HHIPL1: variants seen among roughly 807,000 people sequenced by gnomAD.
HHIPL1 encodes the protein HHIP-like protein 1.
Under a neutral mutation model 61.8 loss-of-function variants are expected in HHIPL1, and 43 were observed. That is an observed-to-expected ratio of 0.70 (90% CI 0.55 to 0.90). The LOEUF (loss-of-function observed/expected upper bound fraction) is 0.90. Ranked by LOEUF, HHIPL1 falls within the 40% of genes least tolerant of loss-of-function variation. The pLI is 0.00. For synonymous variants in HHIPL1, 482 were observed against 515.8 expected (o/e 0.93, Z 0.89); for missense variants, 1,056 against 1,157.7 (o/e 0.91, Z 1.28).
Position 99,659,494 on chromosome 14 carries a change from C to T in HHIPL1, c.1113C>T (p.Gly371=), listed in dbSNP as rs568875334. Residue 371 remains glycine (G), a synonymous_variant, in exon 4 of 9, where the codon GGC becomes GGT. Transcript: ENST00000330710. ...VDRKERGLPY[G]IPPDNPFVGD... is the part of the protein sequence containing the mutation. ...GTAAGGAGCGCGGCCTGCCCTACGG[C>T]ATCCCGCCCGACAACCCGTTCGTGG... 26 of 1,539,440 alleles carry T rather than the reference C, an allele frequency of 1.7e-5. No individual in the cohort carries two copies. Among genetic ancestry groups the T allele is most frequent in the Non-Finnish European group, 2.2e-5 (25 of 1,147,604 alleles).
the HHIPL1 span, among the ~76,000 whole-genome samples, chr14:99,619,398 G>T: frequency 6.6e-6 from 1 of 151,022 alleles, no homozygotes; most frequent in Admixed American, 6.6e-5. Flanking sequence ...GGAGGCAGAG[G>T]TTGCAGTGGG....
chr14:99,645,388 TG>T lies in HHIPL1; in HGVS notation c.184del (p.Ala62ProfsTer114). On this transcript the variant is annotated frameshift_variant, in exon 1 of 9. Transcript: ENST00000330710. LOFTEE classifies it high-confidence loss of function. ...GRDAELTRRF[W>X]ALASRVDAAE... ...CGACGCCGAGCTGACCCGCCGCTTC[TG>T]GGCCCTGGCGAGCCGCGTGGACGCC... The T allele has an allele frequency of 7.0e-7, 1 of 1,434,762 alleles. No individual in the cohort carries two copies. Among genetic ancestry groups the T allele is most frequent in the South Asian group, 1.4e-5 (1 of 71,490 alleles). 88.9% of individuals were successfully genotyped at this position (1,434,762 alleles called of 1,614,324 possible).
chr14:99,637,008 A>AAAG, the HHIPL1 span, among the ~76,000 whole-genome samples: 1 of 70,800 alleles, frequency 1.4e-5, no homozygotes, highest in Non-Finnish European at 2.9e-5. Context: ...AAGAAGAAAG[A>AAAG]AAGAAAGAAA....
rs897293863 is a variant in HHIPL1 at position 99,645,544 on chromosome 14, A to G, written c.255+82A>G. ...CAGAGATCGGAACCCCGCGGGGGCG[A>G]GGGCCAAGAGTGGGCGGCGGACTCG... On this transcript the variant is annotated intron_variant, in intron 1 of 8. Coordinates refer to ENST00000330710, the MANE Select transcript of HHIPL1 (RefSeq NM_001127258.3). 14 of 1,217,624 alleles carry G rather than the reference A, an allele frequency of 1.1e-5. No individual in the cohort carries two copies. In the African/African-American group the frequency reaches 2.2e-4, roughly 19 times the overall value. 75.4% of individuals were successfully genotyped at this position (1,217,624 alleles called of 1,614,324 possible).
chr14:99,659,477 C>T lies in HHIPL1; in HGVS notation c.1096C>T (p.Arg366Cys), dbSNP rs748475384. 4.8e-5 allele frequency: 74 copies of T among 1,531,650 alleles called. No individual in the cohort carries two copies. Among genetic ancestry groups the T allele is most frequent in the Middle Eastern group, 1.7e-4 (1 of 5,872 alleles). 94.9% of individuals were successfully genotyped at this position (1,531,650 alleles called of 1,614,324 possible). A position where few individuals can be genotyped will look rare whatever the true frequency, so the allele number is the denominator to read the frequency against. ...VLRIDVDRKERGLPYGIPPDN... is the reference protein window; with the variant it reads ...VLRIDVDRKECGLPYGIPPDN... Reference sequence around the variant, plus strand: ...GCGCATCGACGTGGACCGTAAGGAGCGCGGCCTGCCCTACGGCATCCCGCC... The same window carrying T: ...GCGCATCGACGTGGACCGTAAGGAGTGCGGCCTGCCCTACGGCATCCCGCC... The change falls in exon 4 of 9, where the codon CGC becomes TGC. Residue 366 changes from arginine to cysteine, a missense_variant. Transcript: ENST00000330710.
intron 4 of HHIPL1, 84 bp downstream of exon 4, chr14:99,659,840 G>GGC: frequency 2.3e-6 from 1 of 433,272 alleles, no homozygotes; most frequent in Non-Finnish European, 3.3e-6. Context: ...CTCCCTCGGA[G>GGC]ACCGCACCCC....
the HHIPL1 span, among the ~76,000 whole-genome samples, chr14:99,607,118 C>T: frequency 7.0e-6 from 1 of 143,732 alleles, no homozygotes. Flanking sequence ...AGTGCAGCCT[C>T]AACCTCCGGG....
Position 99,675,004 on chromosome 14 carries a change from C to A in HHIPL1, c.1814-87C>A. The A allele has an allele frequency of 2.8e-6, 2 of 710,460 alleles. No homozygotes were observed. The highest frequency in any genetic ancestry group is 3.6e-6 in the Non-Finnish European group (2 of 557,648). 44.0% of individuals were successfully genotyped at this position (710,460 alleles called of 1,614,324 possible). ...TCCTTCCCCGAGTCTGCGCTCTCCG[C>A]ACAGGTTGCAGGGCAGCACAGGGTG... is the stretch of plus-strand genomic sequence containing the variant. On this transcript the variant is annotated intron_variant, in intron 8 of 8. Coordinates refer to ENST00000330710, the MANE Select transcript of HHIPL1 (RefSeq NM_001127258.3). This position sits in a 1 kb window ranked among gnomAD's most constrained non-coding sequence, Gnocchi z 5.4.
chr14:99,621,681 AGAG>A, the HHIPL1 span, among the ~76,000 whole-genome samples: 1 of 148,562 alleles, frequency 6.7e-6, no homozygotes. Flanking sequence ...TCTCAACCTC[AGAG>A]GATTCCCTTT....
In HHIPL1 at chr14:99,672,380, C is replaced by A; in HGVS notation, c.1794C>A (p.Ile598=). The change falls in exon 8 of 9, where the codon ATC becomes ATA. Residue 598 remains isoleucine (I), a synonymous_variant. Coordinates refer to ENST00000330710, the MANE Select transcript of HHIPL1 (RefSeq NM_001127258.3). The part of the protein sequence containing the change: ...PAQVKIRSRL[I]PFVPKEKFIP... ...AGGTGAAGATCAGAAGCCGTCTCATCCCCTTTGTGCCCAAAGAAAGTAAGT... is the reference window on the plus strand; with the variant it reads ...AGGTGAAGATCAGAAGCCGTCTCATACCCTTTGTGCCCAAAGAAAGTAAGT... 1.9e-6 allele frequency: 3 copies of A among 1,551,164 alleles called. No individual in the cohort carries two copies. The highest frequency in any genetic ancestry group is 2.6e-6 in the Non-Finnish European group (3 of 1,146,886).
At chr14:99,649,915 G>A (rs28391527) in intron 1 of HHIPL1, among the ~76,000 whole-genome samples, 54,250 of 152,282 alleles carry the variant, frequency 0.36, 10,376 homozygotes, top group South Asian at 0.45. Context: ...ACCCACAGGT[G>A]GTTCCCAGTG....
Position 99,652,556 on chromosome 14 carries a change from C to G in HHIPL1, c.588C>G (p.Pro196=). 2 of 1,613,100 alleles carry G rather than the reference C, an allele frequency of 1.2e-6. No homozygotes were observed. Among genetic ancestry groups the G allele is most frequent in the Non-Finnish European group, 1.7e-6 (2 of 1,179,958 alleles). Residue 196 remains proline (P), a synonymous_variant, in exon 2 of 9, where the codon CCC becomes CCG. Transcript: ENST00000330710. ...AGGTGGCCAACGGGCTGCGCAACCC[C>G]GTGGCCATGGTCCATGCCAGGGATG... ...LEEVANGLRN[P]VAMVHARDGT...
chr14:99,609,731 G>A, the HHIPL1 span, among the ~76,000 whole-genome samples: 1 of 152,252 alleles, frequency 6.6e-6, no homozygotes, highest in African/African-American at 2.4e-5. Flanking sequence ...ATCGTGCCAG[G>A]CACCTTTCTG....
At chr14:99,673,018 C>T (rs1163610263) in intron 8 of HHIPL1, among the ~76,000 whole-genome samples, 2 of 152,218 alleles carry the variant, frequency 1.3e-5, no homozygotes, top group Non-Finnish European at 2.9e-5. Context: ...CAGTCCTCGC[C>T]TTCTCAGCCT....
At chr14:99,637,034 AGAAAGAAAGAAAGAAG>A in the HHIPL1 span, among the ~76,000 whole-genome samples, 70 of 123,268 alleles carry the variant, frequency 5.7e-4, no homozygotes, top group Non-Finnish European at 8.3e-4. Context: ...AAAGAAAGAA[AGAAAGAAAGAAAGAAG>A]GAAGGAAGGA....
intron 1 of HHIPL1, among the ~76,000 whole-genome samples, chr14:99,648,965 C>T (rs1029110037): frequency 1.1e-4 from 16 of 152,186 alleles, no homozygotes; most frequent in East Asian, 3.9e-4. Context: ...CTGAATGGCC[C>T]GGGCGGCTGA....
the HHIPL1 span, among the ~76,000 whole-genome samples, chr14:99,636,307 G>A: frequency 1.2e-4 from 19 of 152,090 alleles, 1 homozygote; most frequent in African/African-American, 4.3e-4. Flanking sequence ...GGTGGGGGTG[G>A]GGCAGCATCT....
chr14:99,624,232 T>C, the HHIPL1 span, among the ~76,000 whole-genome samples: 1 of 152,174 alleles, frequency 6.6e-6, no homozygotes, highest in African/African-American at 2.4e-5. Flanking sequence ...TGTGGCTCCC[T>C]GGAGCATGGG....
In HHIPL1 at chr14:99,659,476, G is replaced by A. The variant is rs745934749; in HGVS notation, c.1095G>A (p.Glu365=). ...KVLRIDVDRK[E]RGLPYGIPPD... ...TGCGCATCGACGTGGACCGTAAGGA[G>A]CGCGGCCTGCCCTACGGCATCCCGC... is the stretch of plus-strand genomic sequence containing the variant. The change falls in exon 4 of 9, where the codon GAG becomes GAA. Residue 365 remains glutamate, a synonymous_variant. Coordinates refer to ENST00000330710, the MANE Select transcript of HHIPL1 (RefSeq NM_001127258.3). 2 of 1,531,748 alleles carry A rather than the reference G, an allele frequency of 1.3e-6. No homozygotes were observed. The highest frequency in any genetic ancestry group is 1.4e-5 in the African/African-American group (1 of 71,290). 94.9% of individuals were successfully genotyped at this position (1,531,748 alleles called of 1,614,324 possible).
Sources: allele counts gnomAD v4.1 joint callset (sites outside exome capture counted in the v4.1 genomes callset), GRCh38; gene constraint gnomAD v4.1.1; non-coding constraint Gnocchi (gnomAD v3.1); transcripts MANE v1.5; gene names NCBI Gene and HGNC (gene_info 2026-07-23, HGNC 2026-07-21).